Variants in RNF157 observed in about 807,000 individuals in gnomAD.
The protein encoded by RNF157 is E3 ubiquitin ligase RNF157.
RNF157 carries 55 observed loss-of-function variants against 88.3 expected under a neutral mutation model. The observed-to-expected ratio is 0.62, with a 90% CI of 0.50 to 0.78. The LOEUF (loss-of-function observed/expected upper bound fraction) is 0.78. RNF157 is among the 30% of genes least tolerant of loss of function. The pLI is 0.00. For missense variants in RNF157, 788 were observed against 860.8 expected (o/e 0.92, Z 1.06); for synonymous variants, 334 against 341.2 (o/e 0.98, Z 0.23).
chr17:76,156,993 G>A (rs1207313920), intron 13 of RNF157, among the ~76,000 whole-genome samples: 5 of 147,592 alleles, frequency 3.4e-5, no homozygotes, highest in African/African-American at 7.5e-5. Context: ...ATGGAGTCTC[G>A]CTCTGTTGCC....
At chr17:76,235,978 C>T (rs1394904768) in intron 1 of RNF157, among the ~76,000 whole-genome samples, 2 of 152,152 alleles carry the variant, frequency 1.3e-5, no homozygotes, top group East Asian at 3.8e-4. Context: ...CACTGCACTC[C>T]AGCCTGGATG....
intron 4 of RNF157, 36 bp from the exon 5 acceptor site, chr17:76,167,162 T>C (rs761976279): frequency 2.7e-6 from 4 of 1,495,892 alleles, no homozygotes; most frequent in East Asian, 2.3e-5. Flanking sequence ...CAAAAGTCAG[T>C]ATCCGGCACA....
At chr17:76,232,798 T>C (rs562807975) in intron 1 of RNF157, among the ~76,000 whole-genome samples, 121 of 152,362 alleles carry the variant, frequency 7.9e-4, no homozygotes, top group African/African-American at 2.9e-3. Flanking sequence ...TTCTAATAGG[T>C]GTGAAATGGT....
Position 76,164,751 on chromosome 17 carries a change from T to G in RNF157, c.717A>C (p.Gln239His). Reference protein sequence around the residue: ...TFCVKPLKQKQVVDGVSYLLQ... With the variant: ...TFCVKPLKQKHVVDGVSYLLQ... ...TCTGTGGTCTTCAAATACTTACTAC[T>G]TGTTTCTGTTTGAGGGGCTTGACAC... Residue 239 changes from glutamine to histidine, a missense_variant, in exon 8 of 19, where the codon CAA (glutamine) becomes CAC (histidine). By Grantham distance (24) the Gln-to-His change is conservative. Coordinates refer to ENST00000269391, the MANE Select transcript of RNF157 (RefSeq NM_052916.3). The G allele has an allele frequency of 3.1e-6, 5 of 1,604,348 alleles. No homozygotes were observed. The highest frequency in any genetic ancestry group is 4.3e-6 in the Non-Finnish European group (5 of 1,171,366).
chr17:76,196,296 G>A (rs572291698), intron 2 of RNF157, among the ~76,000 whole-genome samples: 2 of 152,334 alleles, frequency 1.3e-5, no homozygotes, highest in Admixed American at 6.5e-5. Context: ...ATTGAACACA[G>A]TTCCACTTAT....
At chr17:76,188,563 A>C (rs985012405) in intron 2 of RNF157, among the ~76,000 whole-genome samples, 7 of 152,188 alleles carry the variant, frequency 4.6e-5, no homozygotes, top group Non-Finnish European at 7.3e-5. Flanking sequence ...AACAAGGTGC[A>C]AGCAAAGATG....
intron 8 of RNF157, chr17:76,164,360 T>C (rs2068889986): frequency 6.3e-6 from 1 of 159,668 alleles, no homozygotes; most frequent in Non-Finnish European, 1.4e-5. Context: ...CCCTAATGCT[T>C]TATCCTTTCG....
In RNF157 at chr17:76,194,791, A is replaced by G. The variant is rs62090132; in HGVS notation, c.207+17573T>C. Among the ~76,000 whole-genome samples the G allele has an allele frequency of 4.2e-3, 632 of 152,264 alleles. 1 individual carries two copies. The highest frequency in any genetic ancestry group is 6.1e-3 in the Non-Finnish European group (417 of 68,012). Reference sequence around the variant, plus strand: ...AGCACTTTGGGAGGCCAAGGTGGGCAGATCACGAGGTCAGGAGATCGAGAC... The same window carrying G: ...AGCACTTTGGGAGGCCAAGGTGGGCGGATCACGAGGTCAGGAGATCGAGAC... On this transcript the variant is annotated intron_variant, in intron 2 of 18. Transcript: ENST00000269391.
chr17:76,145,104 C>T lies in RNF157; in HGVS notation c.*131G>A, dbSNP rs111436096. On this transcript the variant is annotated 3_prime_UTR_variant, in exon 19 of 19. Transcript: ENST00000269391. ...TCTGAGAGGTGAGGGATTGTGGTTACAGGTTGTAACAGCTGTCACAGGAGG... is the reference window on the plus strand; with the variant it reads ...TCTGAGAGGTGAGGGATTGTGGTTATAGGTTGTAACAGCTGTCACAGGAGG... The T allele has an allele frequency of 5.5e-3, 3,352 of 613,098 alleles. 96 individuals carry two copies. The African/African-American group carries it at 0.056, about 10-fold the overall frequency. 38.0% of individuals were successfully genotyped at this position (613,098 alleles called of 1,614,324 possible).
chr17:76,204,933 T>C (rs2069653538), intron 2 of RNF157, among the ~76,000 whole-genome samples: 1 of 151,482 alleles, frequency 6.6e-6, no homozygotes, highest in African/African-American at 2.4e-5. Flanking sequence ...TACAAGCACC[T>C]GCCACCACGC....
At position 76,146,895 on chromosome 17, in the gene RNF157, C is replaced by A; in HGVS notation, c.1922-1542G>T. The A allele has an allele frequency of 1.0e-6, 1 of 985,448 alleles. No individual in the cohort carries two copies. The highest frequency in any genetic ancestry group is 4.7e-5 in the South Asian group (1 of 21,290). 61.0% of individuals were successfully genotyped at this position (985,448 alleles called of 1,614,324 possible). Reference sequence around the variant, plus strand: ...GTCCAGGGTCAGCCTCAGGCCAGCCCAGGACATGAAACCCTTTAATGGCAT... The same window carrying A: ...GTCCAGGGTCAGCCTCAGGCCAGCCAAGGACATGAAACCCTTTAATGGCAT... On this transcript the variant is annotated intron_variant, in intron 18 of 18. Transcript: ENST00000269391. The surrounding 1 kb of genome is among the most constrained non-coding windows in gnomAD (Gnocchi z 4.2).
At chr17:76,162,708 G>A in intron 8 of RNF157, 85 bp from the exon 9 acceptor site, 2 of 903,030 alleles carry the variant, frequency 2.2e-6, no homozygotes, top group East Asian at 2.9e-5. Context: ...TACCTCTTTT[G>A]GTAACCAAGG....
intron 2 of RNF157, among the ~76,000 whole-genome samples, chr17:76,208,908 T>C (rs1463158928): frequency 6.6e-6 from 1 of 151,070 alleles, no homozygotes; most frequent in Non-Finnish European, 1.5e-5. Context: ...TAGGAGACTG[T>C]GGCTGCAGTA....
intron 2 of RNF157, among the ~76,000 whole-genome samples, chr17:76,208,381 T>A (rs1316930282): frequency 6.6e-6 from 1 of 152,200 alleles, no homozygotes; most frequent in African/African-American, 2.4e-5. Flanking sequence ...TAGGTTCCAA[T>A]CCTGATCCCT....
At chr17:76,170,361 T>C (rs963938651) in intron 3 of RNF157, among the ~76,000 whole-genome samples, 1 of 152,174 alleles carries the variant, frequency 6.6e-6, no homozygotes, top group Non-Finnish European at 1.5e-5. Flanking sequence ...CCCAAGTAGC[T>C]GGGACTACAG....
intron 2 of RNF157, among the ~76,000 whole-genome samples, chr17:76,185,471 C>CTCTCTTTTT (rs1214764584): frequency 2.1e-4 from 30 of 144,450 alleles, no homozygotes; most frequent in African/African-American, 6.0e-4. Context: ...GAGATTAGTC[C>CTCTCTTTTT]TTTCTTTTTT....
At chr17:76,165,645 C>A in intron 6 of RNF157, 100 bp from the exon 7 acceptor site, 1 of 1,287,520 alleles carries the variant, frequency 7.8e-7, no homozygotes, top group South Asian at 1.2e-5. Context: ...CCAAATGTGC[C>A]AGTCTGTCTC....
chr17:76,168,455 A>G (rs1041978167), intron 3 of RNF157, among the ~76,000 whole-genome samples: 2 of 142,944 alleles, frequency 1.4e-5, no homozygotes, highest in Non-Finnish European at 3.0e-5. Flanking sequence ...CCAGTTGCGT[A>G]GTTTCCTATG....
intron 2 of RNF157, among the ~76,000 whole-genome samples, chr17:76,200,996 A>G (rs2069567236): frequency 1.3e-5 from 2 of 151,878 alleles, no homozygotes; most frequent in South Asian, 4.2e-4. Flanking sequence ...AGCAGACCCT[A>G]CCTTTCCTGT....
Sources: gnomAD v4.1 joint callset for allele counts (sites outside exome capture counted in the v4.1 genomes callset) on GRCh38, gnomAD v4.1.1 for gene constraint, Gnocchi (gnomAD v3.1) non-coding constraint, MANE v1.5 for transcripts, NCBI Gene and HGNC (gene_info 2026-07-23, HGNC 2026-07-21) for gene names.